PHLPP2: variants seen among roughly 807,000 people sequenced by gnomAD.
The protein encoded by PHLPP2 is PH domain leucine-rich repeat-containing protein phosphatase 2.
Under a neutral mutation model 124.9 loss-of-function variants are expected in PHLPP2, and 66 were observed. The observed-to-expected ratio is 0.53, with a 90% CI of 0.43 to 0.65. PHLPP2 has a LOEUF of 0.65. Among genes scored for constraint, PHLPP2 ranks in the 30% least tolerant of loss-of-function variants. PHLPP2 has a pLI of 0.00. For missense variants in PHLPP2, 1,685 were observed against 1,600.4 expected (o/e 1.05, Z -0.90); for synonymous variants, 681 against 624.7 (o/e 1.09, Z -1.34).
intron 3 of PHLPP2, among the ~76,000 whole-genome samples, chr16:71,700,100 T>C (rs2045215303): frequency 6.6e-6 from 1 of 152,152 alleles, no homozygotes; most frequent in South Asian, 2.1e-4. Context: ...CCTGCATCAG[T>C]TTTATTATAG....
At chr16:71,669,467 T>C (rs2044871394) in intron 10 of PHLPP2, 97 bp from the exon 11 acceptor site, 3 of 844,658 alleles carry the variant, frequency 3.6e-6, no homozygotes, top group African/African-American at 3.3e-5. Context: ...CTGTGAGCCC[T>C]TGAGGGCAGG....
Position 71,667,286 on chromosome 16 carries a change from T to A in PHLPP2, c.1676A>T (p.His559Leu), listed in dbSNP as rs777645877. The A allele has an allele frequency of 6.2e-7, 1 of 1,613,718 alleles. No individual in the cohort carries two copies. The highest frequency in any genetic ancestry group is 8.5e-7 in the Non-Finnish European group (1 of 1,179,772). The change falls in exon 12 of 19, where the codon CAT (histidine) becomes CTT (leucine). Residue 559 changes from histidine (H) to leucine (L), a missense_variant. Transcript: ENST00000568954. ...TACCAGTGTTGGAAGGTTTTGCACATGATTGTGTCCCAGCATCAGTTTTCT... is the reference window on the plus strand; with the variant it reads ...TACCAGTGTTGGAAGGTTTTGCACAAGATTGTGTCCCAGCATCAGTTTTCT... ...SLRKLMLGHN[H>L]VQNLPTLVEH...
intron 4 of PHLPP2, among the ~76,000 whole-genome samples, chr16:71,685,641 C>G (rs188427869): frequency 6.6e-6 from 1 of 152,110 alleles, no homozygotes; most frequent in African/African-American, 2.4e-5. Flanking sequence ...CAAATCATTG[C>G]AACTGAATGA....
At chr16:71,655,457 G>A in intron 16 of PHLPP2, 23 bp from the exon 17 acceptor site, 2 of 1,509,088 alleles carry the variant, frequency 1.3e-6, no homozygotes, top group South Asian at 1.2e-5. Flanking sequence ...CATGAAAACA[G>A]AAAACAGAAA....
intron 18 of PHLPP2, among the ~76,000 whole-genome samples, chr16:71,650,999 T>G (rs908004082): frequency 6.6e-6 from 1 of 152,178 alleles, no homozygotes; most frequent in African/African-American, 2.4e-5. Flanking sequence ...GTGGCTAAAA[T>G]AACATTTATA....
chr16:71,658,592 A>C, intron 14 of PHLPP2, 61 bp downstream of exon 14: 1 of 1,501,252 alleles, frequency 6.7e-7, no homozygotes, highest in South Asian at 1.2e-5. Context: ...AAGGAAAATA[A>C]TGTCATTCAC....
chr16:71,702,157 C>T (rs534083268), intron 3 of PHLPP2, among the ~76,000 whole-genome samples: 27 of 152,098 alleles, frequency 1.8e-4, no homozygotes, highest in East Asian at 1.9e-4. Context: ...GTCAAAAATC[C>T]TAGATTTAAA....
chr16:71,719,682 G>A (rs1242644508), intron 1 of PHLPP2, among the ~76,000 whole-genome samples: 3 of 151,054 alleles, frequency 2.0e-5, no homozygotes, highest in Non-Finnish European at 4.4e-5. Context: ...TATAAGCTAT[G>A]GGCCTGGGTG....
intron 3 of PHLPP2, among the ~76,000 whole-genome samples, chr16:71,694,455 C>G (rs887547339): frequency 6.6e-6 from 1 of 151,554 alleles, no homozygotes; most frequent in African/African-American, 2.4e-5. Context: ...AGCAAGACTC[C>G]GTCTCAAAAA....
intron 17 of PHLPP2, among the ~76,000 whole-genome samples, chr16:71,654,204 GAAAAAAAAAAAA>G (rs765826548): frequency 2.8e-5 from 2 of 72,360 alleles, no homozygotes; most frequent in African/African-American, 6.1e-5. Flanking sequence ...TCTCAAAAAA[GAAAAAAAAAAAA>G]AAAAAAAAAA....
At chr16:71,692,822 G>GTC (rs1555547381) in intron 3 of PHLPP2, among the ~76,000 whole-genome samples, 3 of 151,908 alleles carry the variant, frequency 2.0e-5, no homozygotes, top group Non-Finnish European at 2.9e-5. Context: ...ATTTTTCTTT[G>GTC]TTTTTTTATT....
chr16:71,701,728 T>A (rs2045234764), intron 3 of PHLPP2, among the ~76,000 whole-genome samples: 1 of 146,114 alleles, frequency 6.8e-6, no homozygotes, highest in Non-Finnish European at 1.5e-5. Flanking sequence ...TCCAAGGTTT[T>A]AGTTATCTGC....
intron 12 of PHLPP2, 127 bp from the exon 13 acceptor site, chr16:71,664,226 AT>A (rs926931589): frequency 6.0e-6 from 4 of 668,060 alleles, no homozygotes; most frequent in African/African-American, 3.6e-5. Context: ...AAAAAAAAAA[AT>A]CTCCACGTAG....
At chr16:71,705,248 A>G (rs1032655032) in intron 2 of PHLPP2, among the ~76,000 whole-genome samples, 34 of 152,214 alleles carry the variant, frequency 2.2e-4, no homozygotes, top group African/African-American at 6.0e-4. Flanking sequence ...CCTTCCTAAT[A>G]TAATACAAAT....
In PHLPP2 at chr16:71,646,571, G is replaced by T. The variant is rs1356218315; in HGVS notation, c.*2319C>A. 1 of 152,174 alleles carries T rather than the reference G, an allele frequency of 6.6e-6. No homozygotes were observed. The highest frequency in any genetic ancestry group is 1.5e-5 in the Non-Finnish European group (1 of 68,030). The allele number at this position is 152,174 out of a possible 1,614,324, so 9.4% of individuals were successfully genotyped here. A position where few individuals can be genotyped will look rare whatever the true frequency, so the allele number is the denominator to read the frequency against. ...ATTTTTATAAGACTATACTATTAAA[G>T]TGGTGTATTCCCAAAATAACTTTAA... On this transcript the variant is annotated 3_prime_UTR_variant, in exon 19 of 19. Transcript: ENST00000568954.
At chr16:71,702,824 G>A in intron 2 of PHLPP2, 93 bp from the exon 3 acceptor site, 1 of 760,248 alleles carries the variant, frequency 1.3e-6, no homozygotes, top group Non-Finnish European at 2.0e-6. Context: ...TAAATTTCAG[G>A]GGTACAAGTG....
chr16:71,663,489 G>A (rs1354172937), intron 13 of PHLPP2, among the ~76,000 whole-genome samples: 1 of 152,188 alleles, frequency 6.6e-6, no homozygotes, highest in East Asian at 1.9e-4. Flanking sequence ...TACATTCCTA[G>A]AGGACAGAGA....
At chr16:71,718,418 A>C (rs901144240) in intron 1 of PHLPP2, among the ~76,000 whole-genome samples, 2 of 151,946 alleles carry the variant, frequency 1.3e-5, no homozygotes, top group Non-Finnish European at 2.9e-5. Flanking sequence ...TCTCTACTAA[A>C]AATACAAAAA....
chr16:71,723,759 G>A, intron 1 of PHLPP2: 1 of 1,287,524 alleles, frequency 7.8e-7, no homozygotes, highest in East Asian at 3.6e-5. Context: ...TGGTCCATCC[G>A]CCTCCTCACC....
Sources: allele counts gnomAD v4.1 joint callset (sites outside exome capture counted in the v4.1 genomes callset), GRCh38; gene constraint gnomAD v4.1.1; transcripts MANE v1.5; gene names NCBI Gene and HGNC (gene_info 2026-07-23, HGNC 2026-07-21).